Variants in SERAC1 observed in about 807,000 individuals in gnomAD.
SERAC1 encodes protein SERAC1.
In SERAC1, 36 loss-of-function variants were observed where a neutral mutation model predicts 85.7. The ratio of observed to expected loss-of-function variants is 0.42; its 90% CI spans 0.32 to 0.55. The LOEUF (loss-of-function observed/expected upper bound fraction) is 0.55, where lower values mean the gene tolerates loss of function less well. SERAC1 is among the 20% of genes least tolerant of loss of function. The pLI, the probability that SERAC1 is intolerant of heterozygous loss-of-function variation, is 0.11. For synonymous variants in SERAC1, 242 were observed against 265.3 expected, an observed-to-expected ratio of 0.91 and a Z score of 0.85; for missense variants, 629 against 796.2, an observed-to-expected ratio of 0.79 and a Z score of 2.53.
In SERAC1 at chr6:158,148,854, T is replaced by C. The variant is rs9356399; in HGVS notation, c.355+11A>G. The C allele has an allele frequency of 0.47, 745,281 of 1,575,790 alleles. 180,558 individuals carry two copies. Among genetic ancestry groups the C allele is most frequent in the Admixed American group, 0.64 (37,564 of 58,332 alleles). On this transcript the variant is annotated intron_variant, in intron 5 of 16. Transcript: ENST00000647468. ...CTGATAAGGATTCCAAGTCATATAG[T>C]GGATATTTACCAGCAAATGGATTCC...
chr6:158,160,067 C>A (rs1469147090), intron 1 of SERAC1, among the ~76,000 whole-genome samples: 1 of 152,096 alleles, frequency 6.6e-6, no homozygotes, highest in African/African-American at 2.4e-5. Flanking sequence ...TTTGTTGTTT[C>A]TATAGTCCTG....
At chr6:158,165,131 T>C (rs780081469) in intron 1 of SERAC1, among the ~76,000 whole-genome samples, 2 of 152,102 alleles carry the variant, frequency 1.3e-5, no homozygotes, top group Non-Finnish European at 2.9e-5. Context: ...ACACAGCTGA[T>C]TCCAACACAC....
rs1467480058 is a variant in SERAC1, at chr6:158,113,449, C to T, written c.1828G>A (p.Asp610Asn). The change falls in exon 16 of 17, where the codon GAT becomes AAT. Residue 610 changes from aspartate (D) to asparagine (N), a missense_variant and splice_region_variant. Asp to Asn is a conservative substitution (Grantham distance 23). Transcript: ENST00000647468. ...KLHVVPVESADLGIGDLIPVD... is the reference protein window; with the variant it reads ...KLHVVPVESANLGIGDLIPVD... Reference sequence around the variant, plus strand: ...CAACAAGTTTCAAAAGAGTGAATACCTGCTGATTCCACAGGTACCACATGG... The same window carrying T: ...CAACAAGTTTCAAAAGAGTGAATACTTGCTGATTCCACAGGTACCACATGG... 6.2e-7 allele frequency: 1 copy of T among 1,610,458 alleles called. No homozygotes were observed. The highest frequency in any genetic ancestry group is 8.5e-7 in the Non-Finnish European group (1 of 1,177,522).
intron 3 of SERAC1, 75 bp from the exon 4 acceptor site, chr6:158,150,664 G>A: frequency 9.2e-7 from 1 of 1,091,460 alleles, no homozygotes; most frequent in Non-Finnish European, 1.3e-6. Context: ...TCTCTATTAA[G>A]CTTGTCATAG....
chr6:158,116,110 A>G, intron 14 of SERAC1, 75 bp downstream of exon 14: 5 of 1,208,318 alleles, frequency 4.1e-6, no homozygotes, highest in Non-Finnish European at 6.1e-6. Context: ...GGAAAGATAA[A>G]ATAACTTTAG....
At chr6:158,141,501 G>A (rs185487815) in intron 8 of SERAC1, among the ~76,000 whole-genome samples, 3 of 152,296 alleles carry the variant, frequency 2.0e-5, no homozygotes, top group Non-Finnish European at 4.4e-5. Flanking sequence ...TAAGAAAAAG[G>A]TAATTGTTCT....
intron 4 of SERAC1, among the ~76,000 whole-genome samples, chr6:158,149,880 A>G (rs1397541577): frequency 6.6e-6 from 1 of 152,196 alleles, no homozygotes; most frequent in Non-Finnish European, 1.5e-5. Context: ...CATGCTATCC[A>G]TATGTTGAGG....
rs772764368 is a variant in SERAC1 at position 158,114,911 on chromosome 6, A to G, written c.1562T>C (p.Ile521Thr). The G allele has an allele frequency of 3.1e-6, 5 of 1,613,768 alleles. No homozygotes were observed. The highest frequency in any genetic ancestry group is 4.2e-6 in the Non-Finnish European group (5 of 1,179,702). Residue 521 changes from isoleucine (I) to threonine (T), a missense_variant, in exon 15 of 17, where the codon ATC becomes ACC. Physicochemically the swap from Ile to Thr is moderately conservative, Grantham distance 89. Coordinates refer to ENST00000647468, the MANE Select transcript of SERAC1 (RefSeq NM_032861.4). ...ASTKPEMSTV[I>T]NNTRGIIFYS... Reference sequence around the variant, plus strand: ...AAAAATTATTCCTCTGGTATTGTTGATAACAGTACTCATTTCTGGCTTCGT... The same window carrying G: ...AAAAATTATTCCTCTGGTATTGTTGGTAACAGTACTCATTTCTGGCTTCGT...
intron 9 of SERAC1, among the ~76,000 whole-genome samples, chr6:158,128,859 CAG>C (rs1784605247): frequency 6.6e-6 from 1 of 152,024 alleles, no homozygotes; most frequent in Admixed American, 6.5e-5. Context: ...ATGGAGAAAA[CAG>C]ATAAAAGAAA....
intron 8 of SERAC1, among the ~76,000 whole-genome samples, chr6:158,138,552 T>C (rs1200155210): frequency 6.7e-6 from 1 of 150,304 alleles, no homozygotes; most frequent in African/African-American, 2.5e-5. Context: ...ATTAACTAAA[T>C]AGTAACGTCA....
intron 8 of SERAC1, among the ~76,000 whole-genome samples, chr6:158,135,532 C>CA (rs1240395375): frequency 6.1e-5 from 9 of 147,912 alleles, no homozygotes; most frequent in South Asian, 4.3e-4. Flanking sequence ...GACTTCATCT[C>CA]AAAAAAAAAG....
At position 158,155,360 on chromosome 6, in the gene SERAC1, G is replaced by GA; in HGVS notation, c.92-10dup. On this transcript the variant is annotated splice_polypyrimidine_tract_variant and intron_variant, in intron 2 of 16. Transcript: ENST00000647468. ...AAACTTTATTATATTTCCTTCAAAAGAAAAAAAGTCAATGTGATGAATTTC... is the reference window on the plus strand; with the variant it reads ...AAACTTTATTATATTTCCTTCAAAAGAAAAAAAAGTCAATGTGATGAATTTC... 6.6e-7 allele frequency: 1 copy of GA among 1,513,136 alleles called. No homozygotes were observed. The highest frequency in any genetic ancestry group is 9.2e-7 in the Non-Finnish European group (1 of 1,092,394). The allele number at this position is 1,513,136 out of a possible 1,614,324, so 93.7% of individuals were successfully genotyped here.
chr6:158,155,854 T>C (rs770409544), intron 2 of SERAC1, among the ~76,000 whole-genome samples: 5 of 152,146 alleles, frequency 3.3e-5, no homozygotes, highest in Non-Finnish European at 7.4e-5. Context: ...CCATTTAAAA[T>C]AGAGATTAGG....
At chr6:158,127,384 C>A (rs1784568991) in intron 10 of SERAC1, among the ~76,000 whole-genome samples, 1 of 67,300 alleles carries the variant, frequency 1.5e-5, no homozygotes, top group African/African-American at 5.4e-5. Flanking sequence ...GGGGGTCAGC[C>A]CCCCTGCCCG....
At chr6:158,146,544 G>C (rs1785063479) in intron 6 of SERAC1, 1 of 336,556 alleles carries the variant, frequency 3.0e-6, no homozygotes, top group Non-Finnish European at 5.7e-6. Context: ...GAGTAGCTGG[G>C]ACTACAGACG....
At chr6:158,132,429 G>A (rs549823248) in intron 8 of SERAC1, among the ~76,000 whole-genome samples, 21 of 152,198 alleles carry the variant, frequency 1.4e-4, no homozygotes, top group South Asian at 1.0e-3. Context: ...ATGAAAAGTC[G>A]TCCTTCTCTG....
At chr6:158,123,756 C>CA (rs1281013227) in intron 10 of SERAC1, among the ~76,000 whole-genome samples, 2 of 151,828 alleles carry the variant, frequency 1.3e-5, no homozygotes, top group African/African-American at 4.8e-5. Flanking sequence ...TAGGTACTGG[C>CA]AAAAATATTA....
chr6:158,147,920 G>T (rs2128421463), intron 5 of SERAC1, among the ~76,000 whole-genome samples: 1 of 151,266 alleles, frequency 6.6e-6, no homozygotes, highest in African/African-American at 2.4e-5. Context: ...TAGACAAAAT[G>T]ACATTTCAGC....
chr6:158,142,995 C>T, intron 8 of SERAC1, 61 bp downstream of exon 8: 8 of 1,368,434 alleles, frequency 5.8e-6, no homozygotes, highest in Non-Finnish European at 8.2e-6. Context: ...CAGCCACTGA[C>T]ACAATACATT....
Sources: allele counts gnomAD v4.1 joint callset (sites outside exome capture counted in the v4.1 genomes callset), GRCh38; gene constraint gnomAD v4.1.1; transcripts MANE v1.5; gene names NCBI Gene and HGNC (gene_info 2026-07-23, HGNC 2026-07-21).